PHTF2: variants seen among roughly 807,000 people sequenced by gnomAD.
PHTF2 encodes the protein putative homeodomain transcription factor 2.
A neutral mutation model predicts 101.2 loss-of-function variants in PHTF2; 60 were observed. That is an observed-to-expected ratio of 0.59 (90% CI 0.48 to 0.73). PHTF2 has a LOEUF of 0.73. Ranked by LOEUF, PHTF2 falls within the 30% of genes least tolerant of loss-of-function variation. The pLI, the probability that PHTF2 is intolerant of heterozygous loss-of-function variation, is 0.00. For synonymous variants in PHTF2, 311 were observed against 307.3 expected, an observed-to-expected ratio of 1.01 and a Z score of -0.13; for missense variants, 747 against 908.7, an observed-to-expected ratio of 0.82 and a Z score of 2.29.
chr7:77,935,573 T>C (rs1805052017), intron 12 of PHTF2, among the ~76,000 whole-genome samples: 1 of 152,214 alleles, frequency 6.6e-6, no homozygotes. Context: ...GTCTTCTCTT[T>C]TGCCTTTTGG....
intron 11 of PHTF2, chr7:77,923,287 A>G: frequency 1.1e-6 from 1 of 915,574 alleles, no homozygotes; most frequent in Non-Finnish European, 1.3e-6. Flanking sequence ...AAATTGTTTA[A>G]ATAAAGAATT....
chr7:77,935,149 A>G (rs907492741), intron 12 of PHTF2, among the ~76,000 whole-genome samples: 2 of 136,708 alleles, frequency 1.5e-5, no homozygotes, highest in Admixed American at 1.5e-4. Flanking sequence ...ACACAGAGGA[A>G]TATAGCAGTC....
At chr7:77,873,740 T>C (rs1465192165) in intron 3 of PHTF2, among the ~76,000 whole-genome samples, 2 of 152,208 alleles carry the variant, frequency 1.3e-5, no homozygotes, top group African/African-American at 4.8e-5. Flanking sequence ...AAACTCAGTG[T>C]CCTGCCTCAT....
At chr7:77,886,940 G>A (rs1203121819) in intron 3 of PHTF2, among the ~76,000 whole-genome samples, 4 of 151,902 alleles carry the variant, frequency 2.6e-5, no homozygotes, top group Admixed American at 6.6e-5. Context: ...CAGGTGCTCA[G>A]GAGGCTGAGG....
chr7:77,832,776 G>C (rs1444907353), intron 1 of PHTF2, among the ~76,000 whole-genome samples: 1 of 151,736 alleles, frequency 6.6e-6, no homozygotes, highest in East Asian at 1.9e-4. Context: ...CTGATTCTAT[G>C]TTATGGTGAG....
chr7:77,886,784 C>A (rs1799889421), intron 3 of PHTF2, among the ~76,000 whole-genome samples: 1 of 152,052 alleles, frequency 6.6e-6, no homozygotes, highest in African/African-American at 2.4e-5. Flanking sequence ...TGGCTCACAC[C>A]CGTAATCCCA....
intron 3 of PHTF2, among the ~76,000 whole-genome samples, chr7:77,870,886 A>G (rs1400072593): frequency 6.6e-6 from 1 of 152,232 alleles, no homozygotes; most frequent in African/African-American, 2.4e-5. Context: ...GCTGATGTGA[A>G]GTCAATAAAT....
chr7:77,813,080 A>G (rs1033586659), intron 1 of PHTF2, among the ~76,000 whole-genome samples: 6 of 152,136 alleles, frequency 3.9e-5, no homozygotes. Context: ...GTATTTATTT[A>G]TTTATTTAAT....
chr7:77,936,741 C>G (rs575333790), intron 12 of PHTF2, among the ~76,000 whole-genome samples: 2 of 130,948 alleles, frequency 1.5e-5, no homozygotes, highest in Admixed American at 1.5e-4. Flanking sequence ...TATAAACAAG[C>G]AAACTGATCT....
chr7:77,801,365 C>T (rs1451967609), intron 1 of PHTF2, among the ~76,000 whole-genome samples: 20 of 152,156 alleles, frequency 1.3e-4, no homozygotes, highest in Non-Finnish European at 2.5e-4. Context: ...GCGGGTGGAT[C>T]ACCTGAGGTC....
At chr7:77,867,230 G>A (rs1046512736) in intron 3 of PHTF2, among the ~76,000 whole-genome samples, 17 of 152,170 alleles carry the variant, frequency 1.1e-4, no homozygotes, top group Non-Finnish European at 1.9e-4. Flanking sequence ...GGTAATACAG[G>A]GAGAAGTATA....
intron 3 of PHTF2, among the ~76,000 whole-genome samples, chr7:77,884,629 G>T (rs1799673061): frequency 6.6e-6 from 1 of 152,174 alleles, no homozygotes; most frequent in South Asian, 2.1e-4. Context: ...GGGCGCAGTG[G>T]CTTACCCCTG....
intron 12 of PHTF2, among the ~76,000 whole-genome samples, chr7:77,933,035 G>A (rs1027451502): frequency 1.3e-5 from 2 of 152,016 alleles, no homozygotes; most frequent in Non-Finnish European, 2.9e-5. Context: ...TTAGGAGATC[G>A]AGATCATCCT....
At chr7:77,908,266 G>T (rs1802050020) in intron 7 of PHTF2, among the ~76,000 whole-genome samples, 1 of 152,188 alleles carries the variant, frequency 6.6e-6, no homozygotes, top group South Asian at 2.1e-4. Flanking sequence ...GGGATGCTGT[G>T]TAGGCAAAAC....
At chr7:77,838,424 T>G (rs984161810) in intron 1 of PHTF2, among the ~76,000 whole-genome samples, 2 of 152,222 alleles carry the variant, frequency 1.3e-5, no homozygotes, top group Non-Finnish European at 2.9e-5. Context: ...ATTTTTATTT[T>G]CAATGTGAAC....
chr7:77,885,124 G>A (rs1285140557), intron 3 of PHTF2, among the ~76,000 whole-genome samples: 1 of 151,950 alleles, frequency 6.6e-6, no homozygotes, highest in Non-Finnish European at 1.5e-5. Context: ...AGATTTTGTT[G>A]TTGTTGTTAC....
intron 11 of PHTF2, among the ~76,000 whole-genome samples, chr7:77,926,683 T>C (rs1220224768): frequency 1.3e-5 from 2 of 152,072 alleles, no homozygotes; most frequent in East Asian, 1.9e-4. Flanking sequence ...ACAGACAATA[T>C]TGGCCGCACA....
chr7:77,831,627 T>C (rs527659790), intron 1 of PHTF2, among the ~76,000 whole-genome samples: 1 of 152,280 alleles, frequency 6.6e-6, no homozygotes, highest in Non-Finnish European at 1.5e-5. Context: ...TGCATGAGGG[T>C]ATGTTATGTG....
chr7:77,924,079 C>A, intron 11 of PHTF2: 1 of 963,148 alleles, frequency 1.0e-6, no homozygotes. Context: ...ATTTTAAAAG[C>A]TGCATTCAGT....
Sources: gnomAD v4.1 joint callset for allele counts (sites outside exome capture counted in the v4.1 genomes callset) on GRCh38, gnomAD v4.1.1 for gene constraint, MANE v1.5 for transcripts, NCBI Gene and HGNC (gene_info 2026-07-23, HGNC 2026-07-21) for gene names.